The following KAZN variants were observed in gnomAD, a reference collection of about 807,000 sequenced individuals.
KAZN encodes kazrin, periplakin interacting protein, also known as kazrin.
Under a neutral mutation model 87.4 loss-of-function variants are expected in KAZN, and 40 were observed. The ratio of observed to expected loss-of-function variants is 0.46; its 90% CI spans 0.36 to 0.60. The LOEUF (loss-of-function observed/expected upper bound fraction) is 0.60. KAZN is among the 20% of genes least tolerant of loss of function. The pLI is 0.00. For synonymous variants in KAZN, 466 were observed against 458.3 expected (o/e 1.02, Z -0.22); for missense variants, 898 against 1,073.9 (o/e 0.84, Z 2.29).
chr1:14,476,527 C>T (rs1202633135), intron 2 of KAZN, among the ~76,000 whole-genome samples: 5 of 152,180 alleles, frequency 3.3e-5, no homozygotes, highest in Non-Finnish European at 1.5e-5. Context: ...AGGGACTGAA[C>T]TGCATGCAGC....
At chr1:14,297,952 G>T (rs755372562) in intron 2 of KAZN, among the ~76,000 whole-genome samples, 1 of 152,174 alleles carries the variant, frequency 6.6e-6, no homozygotes, top group Non-Finnish European at 1.5e-5. Context: ...TTGAAGCTGG[G>T]CGCGGTATCA....
At chr1:14,235,008 G>A (rs1055207020) in intron 2 of KAZN, among the ~76,000 whole-genome samples, 1 of 152,226 alleles carries the variant, frequency 6.6e-6, no homozygotes, top group Admixed American at 6.5e-5. Flanking sequence ...GCTAGTTACT[G>A]TATGACCCAG....
intron 2 of KAZN, among the ~76,000 whole-genome samples, chr1:14,204,115 A>G: frequency 6.6e-6 from 1 of 152,368 alleles, no homozygotes; most frequent in African/African-American, 2.4e-5. Context: ...GAAGTAGGAT[A>G]GTGCAGTTAA....
At chr1:14,056,916 T>C (rs757704250) in intron 1 of KAZN, among the ~76,000 whole-genome samples, 3 of 151,936 alleles carry the variant, frequency 2.0e-5, no homozygotes, top group Non-Finnish European at 2.9e-5. Flanking sequence ...TGGTGGCTCA[T>C]GCCTGTAGTC....
chr1:14,220,755 G>A (rs1647078737), intron 2 of KAZN, among the ~76,000 whole-genome samples: 1 of 152,184 alleles, frequency 6.6e-6, no homozygotes, highest in South Asian at 2.1e-4. Flanking sequence ...TCTGTGGAGG[G>A]AGGAGCTCTC....
chr1:14,236,724 C>T (rs1477799091), intron 2 of KAZN, among the ~76,000 whole-genome samples: 1 of 152,072 alleles, frequency 6.6e-6, no homozygotes, highest in African/African-American at 2.4e-5. Context: ...TTGAGACCAG[C>T]CTGGGCAACA....
chr1:13,987,962 C>CAG (rs1381518297), intron 1 of KAZN, among the ~76,000 whole-genome samples: 11 of 152,098 alleles, frequency 7.2e-5, no homozygotes, highest in African/African-American at 2.4e-4. Flanking sequence ...TGGTAGAAGG[C>CAG]AGAAGGGCAA....
intron 2 of KAZN, among the ~76,000 whole-genome samples, chr1:14,435,213 T>C (rs1666310601): frequency 6.6e-6 from 1 of 152,214 alleles, no homozygotes; most frequent in African/African-American, 2.4e-5. Context: ...CTGCCCAGGT[T>C]GGCTGAACTC....
At chr1:13,953,704 C>G (rs939089532) in intron 1 of KAZN, among the ~76,000 whole-genome samples, 2 of 152,124 alleles carry the variant, frequency 1.3e-5, no homozygotes, top group East Asian at 3.9e-4. Context: ...TTTTCACGAG[C>G]GTGGTGGACT....
chr1:14,988,214 C>T (rs1557690041), intron 2 of KAZN, among the ~76,000 whole-genome samples: 1 of 152,240 alleles, frequency 6.6e-6, no homozygotes, highest in Non-Finnish European at 1.5e-5. Context: ...CTGCTTCCTG[C>T]TCCCATTTGG....
intron 1 of KAZN, among the ~76,000 whole-genome samples, chr1:14,824,113 C>CAAA (rs56851270): frequency 1.6e-5 from 2 of 125,260 alleles, no homozygotes; most frequent in African/African-American, 3.0e-5. Flanking sequence ...GACTCCATCT[C>CAAA]AAAAAAAAAA....
chr1:14,007,444 A>G (rs1640084803), intron 1 of KAZN, among the ~76,000 whole-genome samples: 1 of 152,162 alleles, frequency 6.6e-6, no homozygotes, highest in Non-Finnish European at 1.5e-5. Flanking sequence ...CTGTGCATTT[A>G]AAACACAATG....
chr1:14,387,131 A>G, intron 2 of KAZN, among the ~76,000 whole-genome samples: 1 of 151,932 alleles, frequency 6.6e-6, no homozygotes, highest in Non-Finnish European at 1.5e-5. Flanking sequence ...TGCATTCTTT[A>G]TGTAGTTCTC....
chr1:14,921,541 G>A (rs1471661017), intron 1 of KAZN, among the ~76,000 whole-genome samples: 1 of 152,154 alleles, frequency 6.6e-6, no homozygotes, highest in Non-Finnish European at 1.5e-5. Flanking sequence ...ACAACACTAA[G>A]ACTACATTCC....
chr1:14,687,113 GT>G (rs1215705657), intron 1 of KAZN, among the ~76,000 whole-genome samples: 1 of 152,166 alleles, frequency 6.6e-6, no homozygotes, highest in Non-Finnish European at 1.5e-5. Context: ...TTATACTATG[GT>G]TACCAGCATT....
intron 1 of KAZN, among the ~76,000 whole-genome samples, chr1:14,822,551 C>A (rs961368050): frequency 6.6e-6 from 1 of 152,158 alleles, no homozygotes; most frequent in Admixed American, 6.5e-5. Flanking sequence ...TCTCTCAGCC[C>A]CTCCCTCCTG....
intron 1 of KAZN, among the ~76,000 whole-genome samples, chr1:13,908,119 C>A (rs753221854): frequency 7.2e-5 from 11 of 152,238 alleles, no homozygotes; most frequent in Non-Finnish European, 1.5e-4. Context: ...GTCCATTTTT[C>A]TACTTGAAAC....
At chr1:14,947,108 G>T (rs887774426) in intron 1 of KAZN, among the ~76,000 whole-genome samples, 4 of 152,176 alleles carry the variant, frequency 2.6e-5, no homozygotes, top group Admixed American at 2.6e-4. Flanking sequence ...AAGAAAGCAG[G>T]GCTGGGCTCT....
intron 2 of KAZN, chr1:14,304,513 G>A (rs1654781777): frequency 5.0e-6 from 2 of 397,166 alleles, no homozygotes; most frequent in South Asian, 1.3e-4. Flanking sequence ...TTGGAAGCTT[G>A]CTAAAATCAC....
Sources: gnomAD v4.1 joint callset for allele counts (sites outside exome capture counted in the v4.1 genomes callset) on GRCh38, gnomAD v4.1.1 for gene constraint, MANE v1.5 for transcripts, NCBI Gene and HGNC (gene_info 2026-07-23, HGNC 2026-07-21) for gene names.